AGMO: variants seen among roughly 807,000 people sequenced by gnomAD.
The protein encoded by AGMO is alkylglycerol monooxygenase, also known as glyceryl-ether monooxygenase.
A neutral mutation model predicts 60.2 loss-of-function variants in AGMO; 75 were observed. That is an observed-to-expected ratio of 1.25 (90% CI 1.03 to 1.51). The LOEUF (loss-of-function observed/expected upper bound fraction) is 1.51. Among genes scored for constraint, AGMO ranks in the 40% most tolerant of loss-of-function variants. The pLI, the probability that AGMO is intolerant of heterozygous loss-of-function variation, is 0.00. For synonymous variants in AGMO, 261 were observed against 177.1 expected (o/e 1.47, Z -3.76); for missense variants, 763 against 525.5 (o/e 1.45, Z -4.42).
chr7:15,299,302 G>T (rs1784491295), intron 12 of AGMO, among the ~76,000 whole-genome samples: 1 of 151,982 alleles, frequency 6.6e-6, no homozygotes, highest in Non-Finnish European at 1.5e-5. Flanking sequence ...AAAATATTTA[G>T]GTCTTTTTCT....
the AGMO span, among the ~76,000 whole-genome samples, chr7:15,146,438 G>A: frequency 6.6e-6 from 1 of 151,664 alleles, no homozygotes. Context: ...CTTAAATATT[G>A]TGTAACTTAA....
intron 3 of AGMO, among the ~76,000 whole-genome samples, chr7:15,483,470 G>A (rs1782818610): frequency 6.6e-6 from 1 of 152,128 alleles, no homozygotes; most frequent in South Asian, 2.1e-4. Context: ...AGAGGCTGAG[G>A]CAGGAGAATG....
the AGMO span, among the ~76,000 whole-genome samples, chr7:15,118,209 C>CACAT: frequency 3.3e-5 from 5 of 149,366 alleles, no homozygotes; most frequent in African/African-American, 9.9e-5. Context: ...CACACACACA[C>CACAT]ATATATACAA....
At chr7:15,500,379 C>T (rs1042923932) in intron 3 of AGMO, among the ~76,000 whole-genome samples, 1 of 151,698 alleles carries the variant, frequency 6.6e-6, no homozygotes, top group Non-Finnish European at 1.5e-5. Flanking sequence ...GTATTAATGT[C>T]ATTAGGAACC....
chr7:15,273,026 A>G (rs1783664106), intron 12 of AGMO, among the ~76,000 whole-genome samples: 1 of 152,116 alleles, frequency 6.6e-6, no homozygotes, highest in Admixed American at 6.6e-5. Context: ...TCTGGATATT[A>G]GCCCTTTGTC....
intron 2 of AGMO, among the ~76,000 whole-genome samples, chr7:15,557,516 C>T (rs1390937152): frequency 6.6e-6 from 1 of 151,574 alleles, no homozygotes; most frequent in Non-Finnish European, 1.5e-5. Flanking sequence ...TCAAATTCTT[C>T]CTTTTTTTTT....
chr7:15,451,991 T>C (rs1781867013), intron 3 of AGMO, among the ~76,000 whole-genome samples: 1 of 152,148 alleles, frequency 6.6e-6, no homozygotes, highest in Non-Finnish European at 1.5e-5. Context: ...TTGTTAGAGG[T>C]GCATACTCCT....
chr7:15,425,609 A>T (rs1309749604), intron 4 of AGMO, among the ~76,000 whole-genome samples: 2 of 151,434 alleles, frequency 1.3e-5, no homozygotes, highest in East Asian at 3.9e-4. Flanking sequence ...CGACTAATTT[A>T]TTTTATTTTT....
intron 12 of AGMO, among the ~76,000 whole-genome samples, chr7:15,216,828 GAA>G (rs1235924434): frequency 1.1e-4 from 14 of 124,286 alleles, no homozygotes; most frequent in Non-Finnish European, 2.2e-4. Context: ...CAAAGTGAAA[GAA>G]AAAGTGTGTG....
intron 12 of AGMO, among the ~76,000 whole-genome samples, chr7:15,245,645 C>A (rs1226852767): frequency 1.3e-5 from 2 of 151,852 alleles, no homozygotes; most frequent in Non-Finnish European, 2.9e-5. Context: ...GTTCTGAGTG[C>A]CTAAAGTTAT....
intron 12 of AGMO, among the ~76,000 whole-genome samples, chr7:15,321,409 G>C (rs1167955840): frequency 6.6e-6 from 1 of 152,134 alleles, no homozygotes; most frequent in Non-Finnish European, 1.5e-5. Flanking sequence ...CTAAACAATA[G>C]TGAGAATCTG....
rs144798587 is a variant in AGMO, at chr7:15,517,638, C to T, written c.409+27134G>A. 5.0e-3 allele frequency among the ~76,000 whole-genome samples: 759 copies of T among 152,090 alleles called. 7 individuals carry two copies. The highest frequency in any genetic ancestry group is 0.017 in the African/African-American group (715 of 41,496). On this transcript the variant is annotated intron_variant, in intron 3 of 12. Transcript: ENST00000342526. ...GAGAAAAGGTGCATTCCAGCCCAGA[C>T]GCTATGCTTTTCCCATGGTCTTCGC...
chr7:15,345,077 T>TAC (rs1781984617), intron 12 of AGMO, among the ~76,000 whole-genome samples: 2 of 152,208 alleles, frequency 1.3e-5, no homozygotes, highest in Non-Finnish European at 1.5e-5. Context: ...GTATTATACC[T>TAC]ACCTCCACCA....
At chr7:15,258,560 AAAAAT>A (rs1328530739) in intron 12 of AGMO, among the ~76,000 whole-genome samples, 1 of 152,130 alleles carries the variant, frequency 6.6e-6, no homozygotes, top group East Asian at 1.9e-4. Flanking sequence ...AAAAAAAATA[AAAAAT>A]AAAATAAAAA....
At chr7:15,364,373 G>C (rs893650514) in intron 12 of AGMO, among the ~76,000 whole-genome samples, 1 of 151,850 alleles carries the variant, frequency 6.6e-6, no homozygotes, top group African/African-American at 2.4e-5. Flanking sequence ...TATGTGCACT[G>C]TATGGCAGGA....
intron 12 of AGMO, among the ~76,000 whole-genome samples, chr7:15,258,565 T>G (rs185643810): frequency 1.3e-5 from 2 of 151,288 alleles, no homozygotes; most frequent in East Asian, 1.9e-4. Flanking sequence ...AAATAAAAAA[T>G]AAAATAAAAA....
intron 12 of AGMO, among the ~76,000 whole-genome samples, chr7:15,342,515 C>T (rs1781887859): frequency 6.6e-6 from 1 of 151,876 alleles, no homozygotes; most frequent in South Asian, 2.1e-4. Flanking sequence ...ACCAGGTTTA[C>T]TAGTATATTG....
intron 12 of AGMO, among the ~76,000 whole-genome samples, chr7:15,225,413 T>C (rs1782049625): frequency 1.3e-5 from 2 of 151,952 alleles, no homozygotes; most frequent in East Asian, 3.8e-4. Context: ...ATGTTTTAAC[T>C]TTCTCAATAT....
At chr7:15,390,184 G>A (rs1466569624) in intron 8 of AGMO, among the ~76,000 whole-genome samples, 3 of 151,832 alleles carry the variant, frequency 2.0e-5, no homozygotes, top group Admixed American at 6.6e-5. Flanking sequence ...AACTGGTCCA[G>A]TCCAACAAGT....
Sources: gnomAD v4.1 joint callset for allele counts (sites outside exome capture counted in the v4.1 genomes callset) on GRCh38, gnomAD v4.1.1 for gene constraint, MANE v1.5 for transcripts, NCBI Gene and HGNC (gene_info 2026-07-23, HGNC 2026-07-21) for gene names.